Variants in NDC1 observed in about 807,000 individuals in gnomAD.
The protein encoded by NDC1 is NDC1 transmembrane nucleoporin, also known as nucleoporin NDC1.
A neutral mutation model predicts 89.8 loss-of-function variants in NDC1; 24 were observed. That is an observed-to-expected ratio of 0.27 (90% confidence interval 0.19 to 0.38). The LOEUF (loss-of-function observed/expected upper bound fraction) is 0.38, where lower values mean the gene tolerates loss of function less well. Ranked by LOEUF, NDC1 falls within the 10% of genes least tolerant of loss-of-function variation. NDC1 has a pLI of 1.00. For missense variants in NDC1, 728 were observed against 797.6 expected (o/e 0.91, Z 1.05); for synonymous variants, 296 against 284.8 (o/e 1.04, Z -0.39).
At chr1:53,772,726 C>CAA (rs1553146300) in intron 16 of NDC1, among the ~76,000 whole-genome samples, 72 of 149,780 alleles carry the variant, frequency 4.8e-4, no homozygotes, top group African/African-American at 1.8e-3. Context: ...CATAACAAAA[C>CAA]AAAACAAACA....
intron 1 of NDC1, among the ~76,000 whole-genome samples, chr1:53,837,617 T>G (rs1226970910): frequency 6.6e-6 from 1 of 152,162 alleles, no homozygotes. Flanking sequence ...GTTTTTAGTT[T>G]GGAATACAGG....
rs1216637776 is a variant in NDC1 at position 53,809,293 on chromosome 1, T to C, written c.755+402A>G. On this transcript the variant is annotated intron_variant, in intron 7 of 17. Transcript: ENST00000371429. ...CTAAGAACAATTATCATTGCTTACT[T>C]CTGCGGAGAACTGGGTGAGTGGAGA... Among the ~76,000 whole-genome samples the C allele has an allele frequency of 2.0e-5, 3 of 152,228 alleles. No individual in the cohort carries two copies. In the East Asian group the frequency reaches 5.8e-4, roughly 29 times the overall value.
intron 1 of NDC1, among the ~76,000 whole-genome samples, chr1:53,837,344 G>C (rs1285511672): frequency 6.6e-6 from 1 of 152,206 alleles, no homozygotes; most frequent in Admixed American, 6.5e-5. Context: ...AGACCGAGGC[G>C]GATGACTCAC....
chr1:53,825,987 C>T (rs754240158), intron 4 of NDC1, 51 bp from the exon 5 acceptor site: 59 of 1,560,724 alleles, frequency 3.8e-5, no homozygotes, highest in Non-Finnish European at 5.0e-5. Flanking sequence ...ACATGTATCA[C>T]TGTTTTAGGC....
At chr1:53,784,933 G>A (rs1006702710) in intron 16 of NDC1, among the ~76,000 whole-genome samples, 47 of 152,100 alleles carry the variant, frequency 3.1e-4, no homozygotes, top group African/African-American at 1.0e-3. Flanking sequence ...ACTCCAGCCT[G>A]GGCAACAGAG....
chr1:53,772,257 C>T, intron 17 of NDC1, 72 bp downstream of exon 17: 1 of 1,351,234 alleles, frequency 7.4e-7, no homozygotes, highest in African/African-American at 1.4e-5. Context: ...TGAGCCTTAT[C>T]ATTCCCATAC....
intron 16 of NDC1, among the ~76,000 whole-genome samples, chr1:53,777,491 A>G (rs1278518380): frequency 3.3e-5 from 5 of 152,228 alleles, no homozygotes; most frequent in Non-Finnish European, 7.3e-5. Flanking sequence ...CGTTAAATTA[A>G]GAAGGAAAAT....
chr1:53,799,911 A>G (rs574878016), intron 11 of NDC1, among the ~76,000 whole-genome samples: 2 of 152,312 alleles, frequency 1.3e-5, no homozygotes, highest in South Asian at 2.1e-4. Context: ...TGTCTTTTAA[A>G]TGGAAGGGGT....
intron 14 of NDC1, among the ~76,000 whole-genome samples, chr1:53,790,376 A>C (rs1046313322): frequency 2.7e-5 from 4 of 146,958 alleles, no homozygotes; most frequent in South Asian, 2.1e-4. Context: ...AAAAAAAAAA[A>C]CCCCAAAAAA....
rs140201875 is a variant in NDC1, at chr1:53,814,642, C to T, written c.703+4329G>A. On this transcript the variant is annotated intron_variant, in intron 6 of 17. Transcript: ENST00000371429. ...TGAAACAAAAACAACAACAAAAATA[C>T]AAAAGATAAATGAAACAAAAAGCTG... Among the ~76,000 whole-genome samples the T allele has an allele frequency of 1.6e-3, 236 of 152,024 alleles. 1 individual carries two copies. Among genetic ancestry groups the T allele is most frequent in the African/African-American group, 5.4e-3 (226 of 41,484 alleles).
chr1:53,789,076 A>C, intron 15 of NDC1, 57 bp downstream of exon 15: 1 of 1,107,376 alleles, frequency 9.0e-7, no homozygotes, highest in Non-Finnish European at 1.4e-6. Flanking sequence ...CATGAATTAT[A>C]CTTCAATATT....
At chr1:53,820,403 G>T (rs907959732) in intron 5 of NDC1, among the ~76,000 whole-genome samples, 3 of 152,066 alleles carry the variant, frequency 2.0e-5, no homozygotes, top group African/African-American at 7.2e-5. Flanking sequence ...CGGGGAGTGG[G>T]GAGGGATAGC....
intron 17 of NDC1, among the ~76,000 whole-genome samples, chr1:53,768,829 T>C (rs1031798971): frequency 5.5e-4 from 84 of 152,318 alleles, no homozygotes; most frequent in African/African-American, 2.0e-3. Flanking sequence ...TTTCAAGTAT[T>C]TTACTGTACA....
At chr1:53,836,451 C>CAAA (rs1245566049) in intron 1 of NDC1, among the ~76,000 whole-genome samples, 32 of 94,164 alleles carry the variant, frequency 3.4e-4, no homozygotes, top group African/African-American at 8.3e-4. Context: ...CTCTGTCTAA[C>CAAA]AAAAAAAAAA....
chr1:53,772,264 A>AT, intron 17 of NDC1, 65 bp downstream of exon 17: 1 of 1,431,990 alleles, frequency 7.0e-7, no homozygotes. Context: ...TATCATTCCC[A>AT]TACCTATTTC....
chr1:53,822,563 C>A (rs981496788), intron 5 of NDC1, among the ~76,000 whole-genome samples: 16 of 151,730 alleles, frequency 1.1e-4, no homozygotes, highest in Admixed American at 1.1e-3. Context: ...TAAACTGTTA[C>A]CAGTTTAGTG....
intron 16 of NDC1, among the ~76,000 whole-genome samples, chr1:53,785,908 CATTTATTTATTT>C (rs766069432): frequency 2.6e-5 from 4 of 151,138 alleles, no homozygotes; most frequent in Admixed American, 6.6e-5. Context: ...TATTTTTATT[CATTTATTTATTT>C]ATTTATTTAT....
At chr1:53,814,374 A>G (rs1176205550) in intron 6 of NDC1, among the ~76,000 whole-genome samples, 2 of 152,102 alleles carry the variant, frequency 1.3e-5, no homozygotes, top group Non-Finnish European at 2.9e-5. Flanking sequence ...ATAAATAAAT[A>G]AATAAAAAAT....
chr1:53,797,380 C>A (rs1647754590), intron 11 of NDC1, among the ~76,000 whole-genome samples: 1 of 152,078 alleles, frequency 6.6e-6, no homozygotes, highest in South Asian at 2.1e-4. Context: ...TCTTTTTCCC[C>A]CCCCATGAAT....
Sources: allele counts gnomAD v4.1 joint callset (sites outside exome capture counted in the v4.1 genomes callset), GRCh38; gene constraint gnomAD v4.1.1; transcripts MANE v1.5; gene names NCBI Gene and HGNC (gene_info 2026-07-23, HGNC 2026-07-21).